PEAK1: variants seen among roughly 807,000 people sequenced by gnomAD.
PEAK1 encodes inactive tyrosine-protein kinase PEAK1.
PEAK1 carries 54 observed loss-of-function variants against 124.7 expected under a neutral mutation model. The ratio of observed to expected loss-of-function variants is 0.43; its 90% CI spans 0.35 to 0.54. The LOEUF is 0.54. Among genes scored for constraint, PEAK1 ranks in the 20% least tolerant of loss-of-function variants. The pLI is 0.01. For missense variants in PEAK1, 2,046 were observed against 2,134.5 expected, an observed-to-expected ratio of 0.96 and a Z score of 0.82; for synonymous variants, 719 against 760.0, an observed-to-expected ratio of 0.95 and a Z score of 0.89.
intron 6 of PEAK1, among the ~76,000 whole-genome samples, chr15:77,239,032 T>C (rs947884612): frequency 5.3e-5 from 8 of 152,186 alleles, no homozygotes; most frequent in Non-Finnish European, 1.2e-4. Context: ...TTGTATTTAA[T>C]TGGTACTATA....
intron 1 of PEAK1, among the ~76,000 whole-genome samples, chr15:77,384,121 A>G (rs781589032): frequency 2.0e-5 from 3 of 152,188 alleles, no homozygotes; most frequent in African/African-American, 7.2e-5. Context: ...TGGAATGTAG[A>G]AAATAAATTA....
intron 6 of PEAK1, among the ~76,000 whole-genome samples, chr15:77,217,121 C>T (rs2059181331): frequency 6.7e-6 from 1 of 148,886 alleles, no homozygotes; most frequent in Non-Finnish European, 1.5e-5. Flanking sequence ...CTTAGCTGCT[C>T]AGGAGGCTGA....
downstream of PEAK1, chr15:77,105,355 TGTGC>T (rs1555407954): frequency 0.01 from 787 of 78,640 alleles, 4 homozygotes; most frequent in African/African-American, 0.019. Context: ...TGTGTGTGTG[TGTGC>T]GCGCGTGCGC....
chr15:77,164,332 GA>G (rs1205476130), intron 7 of PEAK1, among the ~76,000 whole-genome samples: 1 of 152,148 alleles, frequency 6.6e-6, no homozygotes, highest in East Asian at 1.9e-4. Context: ...GATATCTGAT[GA>G]GTTCTGCTAA....
rs980423194 is a variant in PEAK1, at chr15:77,133,047, A to G, written c.4035T>C (p.Thr1345=). 1 of 1,613,842 alleles carries G rather than the reference A, an allele frequency of 6.2e-7. No individual in the cohort carries two copies. Among genetic ancestry groups the G allele is most frequent in the South Asian group, 1.1e-5 (1 of 91,072 alleles). Reference sequence around the variant, plus strand: ...TAAGTGGATCTTTTGCATATGAAGCAGTATAGTAAACCGCATCACCTGCCT... The same window carrying G: ...TAAGTGGATCTTTTGCATATGAAGCGGTATAGTAAACCGCATCACCTGCCT... ...CCEAGDAVYY[T]ASYAKDPLNN... The change falls in exon 9 of 10, where the codon ACT becomes ACC. Residue 1345 remains threonine, a synonymous_variant. Coordinates refer to ENST00000682557, the MANE Select transcript of PEAK1 (RefSeq NM_001385026.1). The surrounding 1 kb of genome is among the most constrained non-coding windows in gnomAD (Gnocchi z 4.2).
At chr15:77,163,437 C>T (rs1243970205) in intron 7 of PEAK1, among the ~76,000 whole-genome samples, 1 of 152,222 alleles carries the variant, frequency 6.6e-6, no homozygotes, top group Non-Finnish European at 1.5e-5. Context: ...TAATTCAAAG[C>T]TGCAGAAGCA....
At chr15:77,324,342 A>C (rs2065433263) in intron 2 of PEAK1, among the ~76,000 whole-genome samples, 1 of 152,066 alleles carries the variant, frequency 6.6e-6, no homozygotes. Context: ...TTAGCTGGGC[A>C]TAGTGGTGGG....
At position 77,417,446 on chromosome 15, in the gene PEAK1, G is replaced by C. The variant is rs1289382609; in HGVS notation, c.-666+2560C>G. On this transcript the variant is annotated intron_variant, in intron 1 of 9. Coordinates refer to ENST00000682557, the MANE Select transcript of PEAK1 (RefSeq NM_001385026.1). ...AAGGACTAGGAAGGAGAGTGGGGTG[G>C]GGGGATGCGGGGCGGGGGGGGAGGG... 9.6e-6 allele frequency: 9 copies of C among 941,354 alleles called. No individual in the cohort carries two copies. The Admixed American group carries it at 4.4e-4, about 46-fold the overall frequency. The allele number at this position is 941,354 out of a possible 1,614,324, so 58.3% of individuals were successfully genotyped here.
chr15:77,275,446 GGT>G (rs1479413712), intron 5 of PEAK1, among the ~76,000 whole-genome samples: 36 of 152,264 alleles, frequency 2.4e-4, no homozygotes, highest in African/African-American at 8.7e-4. Context: ...GGCTGGGCAT[GGT>G]GGCTCATGCC....
intron 7 of PEAK1, among the ~76,000 whole-genome samples, chr15:77,172,114 G>C (rs937361789): frequency 2.7e-4 from 41 of 152,294 alleles, no homozygotes; most frequent in African/African-American, 8.9e-4. Context: ...TTAAAGGTTA[G>C]TTGCAATGTG....
intron 8 of PEAK1, among the ~76,000 whole-genome samples, chr15:77,139,534 C>T (rs2053604217): frequency 6.6e-6 from 1 of 152,114 alleles, no homozygotes; most frequent in South Asian, 2.1e-4. Context: ...GGCTATGTCA[C>T]TAGGTAACAG....
In PEAK1 at chr15:77,133,059, C is replaced by T. The variant is rs775769063; in HGVS notation, c.4023G>A (p.Ala1341=). The T allele has an allele frequency of 2.5e-5, 41 of 1,613,916 alleles. No individual in the cohort carries two copies. The highest frequency in any genetic ancestry group is 1.1e-4 in the African/African-American group (8 of 74,882). ...SDKPCCEAGD[A]VYYTASYAKD... ...TTGCATATGAAGCAGTATAGTAAAC[C>T]GCATCACCTGCCTCACAACATGGTT... is the stretch of plus-strand genomic sequence containing the variant. The change falls in exon 9 of 10, where the codon GCG becomes GCA. Residue 1341 remains alanine (A), a synonymous_variant. Coordinates refer to ENST00000682557, the MANE Select transcript of PEAK1 (RefSeq NM_001385026.1). The surrounding 1 kb of genome is among the most constrained non-coding windows in gnomAD (Gnocchi z 4.2).
At position 77,327,039 on chromosome 15, in the gene PEAK1, T is replaced by C. The variant is rs537200331; in HGVS notation, c.-603+38124A>G. 3.9e-5 allele frequency among the ~76,000 whole-genome samples: 6 copies of C among 152,240 alleles called. No individual in the cohort carries two copies. In the South Asian group the frequency reaches 1.0e-3, roughly 26 times the overall value. On this transcript the variant is annotated intron_variant, in intron 2 of 9. Transcript: ENST00000682557. ...TATCACTTAAAGCAAGGCTTTAGAA[T>C]ATGTAAAGAAAATCCAAACATTTCT...
downstream of PEAK1, chr15:77,106,335 G>C (rs2050750808): frequency 6.8e-6 from 1 of 148,106 alleles, no homozygotes. Flanking sequence ...GTGTAAGTGT[G>C]CATTCATCTA....
At chr15:77,178,670 G>A (rs1050878618) in intron 7 of PEAK1, 120 bp downstream of exon 7, 4 of 920,286 alleles carry the variant, frequency 4.3e-6, no homozygotes, top group Non-Finnish European at 6.5e-6. Context: ...GATAGATGAT[G>A]GCCACAGAGT....
intron 6 of PEAK1, among the ~76,000 whole-genome samples, chr15:77,213,479 A>C (rs1490751920): frequency 6.6e-6 from 1 of 152,088 alleles, no homozygotes; most frequent in Non-Finnish European, 1.5e-5. Flanking sequence ...TCACGAAGAC[A>C]CGAGTTCAAG....
At chr15:77,393,940 G>A (rs1426931138) in intron 1 of PEAK1, among the ~76,000 whole-genome samples, 1 of 152,178 alleles carries the variant, frequency 6.6e-6, no homozygotes, top group Non-Finnish European at 1.5e-5. Context: ...TTCATCACAA[G>A]CTGACTGAAG....
chr15:77,182,176 G>C, intron 6 of PEAK1, 136 bp from the exon 7 acceptor site: 1 of 752,958 alleles, frequency 1.3e-6, no homozygotes, highest in South Asian at 5.0e-5. Flanking sequence ...AAACTAATTT[G>C]TGTACTTTGT....
chr15:77,192,937 T>G (rs908527166), intron 6 of PEAK1, among the ~76,000 whole-genome samples: 7 of 152,182 alleles, frequency 4.6e-5, no homozygotes, highest in Admixed American at 1.3e-4. Context: ...TACTCTTCTG[T>G]GTCTTTTTTC....
Sources: gnomAD v4.1 joint callset for allele counts (sites outside exome capture counted in the v4.1 genomes callset) on GRCh38, gnomAD v4.1.1 for gene constraint, Gnocchi (gnomAD v3.1) non-coding constraint, MANE v1.5 for transcripts, NCBI Gene and HGNC (gene_info 2026-07-23, HGNC 2026-07-21) for gene names.